Variants in SCAF11 observed in about 807,000 individuals in gnomAD.
The protein encoded by SCAF11 is SR-related CTD associated factor 11.
A neutral mutation model predicts 140.5 loss-of-function variants in SCAF11; 47 were observed. The ratio of observed to expected loss-of-function variants is 0.33; its 90% CI spans 0.26 to 0.43. The LOEUF (loss-of-function observed/expected upper bound fraction) is 0.43, where lower values mean the gene tolerates loss of function less well. Among genes scored for constraint, SCAF11 ranks in the 20% least tolerant of loss-of-function variants. The probability of loss-of-function intolerance (pLI) is 1.00; values close to 1 mark genes in which losing one functional copy is unlikely to be tolerated. For missense variants in SCAF11, 1,645 were observed against 1,705.1 expected (o/e 0.96, Z 0.62); for synonymous variants, 557 against 579.4 (o/e 0.96, Z 0.55).
chr12:45,967,060 C>T (rs1565685466), intron 1 of SCAF11, among the ~76,000 whole-genome samples: 1 of 152,044 alleles, frequency 6.6e-6, no homozygotes, highest in African/African-American at 2.4e-5. Flanking sequence ...ACATTTCCTC[C>T]TTTAAGCAAA....
chr12:45,960,985 G>A (rs1945813383), intron 3 of SCAF11: 1 of 216,546 alleles, frequency 4.6e-6, no homozygotes, highest in Admixed American at 5.7e-5. Context: ...ATAACAATAA[G>A]GCTTATATTA....
rs28888779 is a variant in SCAF11, at chr12:45,972,917, T to G, written c.-21-8729A>C. ...AGATATATATATATATAGATATATATATAGATATATAGATATATATAGATA... is the reference window on the plus strand; with the variant it reads ...AGATATATATATATATAGATATATAGATAGATATATAGATATATATAGATA... On this transcript the variant is annotated intron_variant, in intron 1 of 14. Transcript: ENST00000369367. Among the ~76,000 whole-genome samples, 122 of 80,306 alleles carry G rather than the reference T, an allele frequency of 1.5e-3. 4 individuals carry two copies. The highest frequency in any genetic ancestry group is 0.015 in the East Asian group (70 of 4,760). 52.7% of individuals were successfully genotyped at this position (80,306 alleles called of 152,430 possible). A position where few individuals can be genotyped will look rare whatever the true frequency, so the allele number is the denominator to read the frequency against.
chr12:45,924,504 T>C (rs1944798887), intron 12 of SCAF11, among the ~76,000 whole-genome samples: 1 of 152,192 alleles, frequency 6.6e-6, no homozygotes, highest in African/African-American at 2.4e-5. Flanking sequence ...TAACAGCATA[T>C]ATGTAGCTTG....
intron 6 of SCAF11, chr12:45,935,228 A>G (rs1945143177): frequency 6.6e-6 from 1 of 152,208 alleles, no homozygotes; most frequent in East Asian, 1.9e-4. Context: ...GCAAGATCAT[A>G]TGTATTTTGG....
intron 10 of SCAF11, 161 bp from the exon 11 acceptor site, chr12:45,929,020 A>C (rs1252881654): frequency 2.4e-6 from 1 of 409,664 alleles, no homozygotes; most frequent in Non-Finnish European, 4.2e-6. Flanking sequence ...TCTGAGTAAT[A>C]TGACTTATTC....
At position 45,926,737 on chromosome 12, in the gene SCAF11, G is replaced by C; in HGVS notation, c.2964C>G (p.Asp988Glu). Reference protein sequence around the residue: ...PRGNDRYRKNDPEKQNENTRK... With the variant: ...PRGNDRYRKNEPEKQNENTRK... ...TTGTATTTTCATTCTGTTTCTCTGG[G>C]TCATTCTTTCTGTACCGATCATTTC... The change falls in exon 11 of 15, where the codon GAC becomes GAG. Residue 988 changes from aspartate (D) to glutamate (E), a missense_variant. This residue lies in a region of SCAF11 where 1,582 missense variants were observed against 1,609.2 expected (regional missense o/e 0.98). Coordinates refer to ENST00000369367, the MANE Select transcript of SCAF11 (RefSeq NM_004719.3). 6.2e-7 allele frequency: 1 copy of C among 1,613,724 alleles called. No homozygotes were observed. Among genetic ancestry groups the C allele is most frequent in the Non-Finnish European group, 8.5e-7 (1 of 1,179,980 alleles).
Position 45,990,442 on chromosome 12 carries a change from G to A in SCAF11, c.-111C>T, listed in dbSNP as rs1946570167. The A allele has an allele frequency of 2.4e-6, 3 of 1,231,604 alleles. No homozygotes were observed. Among genetic ancestry groups the A allele is most frequent in the South Asian group, 8.2e-5 (2 of 24,320 alleles). 76.3% of individuals were successfully genotyped at this position (1,231,604 alleles called of 1,614,324 possible). ...ACTCCGCTGCCAAGTTCCCCAACATGGACTCCTTCGTCCGCTTTGTGGTGT... is the reference window on the plus strand; with the variant it reads ...ACTCCGCTGCCAAGTTCCCCAACATAGACTCCTTCGTCCGCTTTGTGGTGT... On this transcript the variant is annotated 5_prime_UTR_variant, in exon 1 of 15. Transcript: ENST00000369367.
intron 1 of SCAF11, among the ~76,000 whole-genome samples, chr12:45,972,583 C>CT (rs1946099085): frequency 9.8e-6 from 1 of 102,004 alleles, no homozygotes; most frequent in South Asian, 3.5e-4. Context: ...AACCCTGTCT[C>CT]TTAAAAAAAA....
intron 5 of SCAF11, among the ~76,000 whole-genome samples, chr12:45,947,295 T>A (rs1848457094): frequency 6.6e-6 from 1 of 152,160 alleles, no homozygotes. Context: ...ATATTCAATT[T>A]ACCTCAAAAA....
intron 6 of SCAF11, among the ~76,000 whole-genome samples, chr12:45,943,844 G>A (rs1945362261): frequency 6.6e-6 from 1 of 151,992 alleles, no homozygotes; most frequent in South Asian, 2.1e-4. Flanking sequence ...TAACCTTCTG[G>A]CAGAAATTGT....
At chr12:45,944,713 G>GA (rs1354464455) in intron 6 of SCAF11, among the ~76,000 whole-genome samples, 1 of 152,162 alleles carries the variant, frequency 6.6e-6, no homozygotes, top group Non-Finnish European at 1.5e-5. Context: ...CTGTGTATTA[G>GA]AAAATCATGT....
chr12:45,925,623 T>A (rs1455221315), intron 11 of SCAF11, among the ~76,000 whole-genome samples: 1 of 151,778 alleles, frequency 6.6e-6, no homozygotes, highest in Non-Finnish European at 1.5e-5. Context: ...CAACAATCAG[T>A]AGCTCAAGAA....
At chr12:45,923,761 C>T (rs563182876) in intron 12 of SCAF11, among the ~76,000 whole-genome samples, 49 of 152,260 alleles carry the variant, frequency 3.2e-4, no homozygotes, top group African/African-American at 1.1e-3. Flanking sequence ...TGGCTCACTG[C>T]AATCTCCGAC....
At chr12:45,986,738 C>T (rs1474238515) in intron 1 of SCAF11, among the ~76,000 whole-genome samples, 1 of 152,042 alleles carries the variant, frequency 6.6e-6, no homozygotes, top group Non-Finnish European at 1.5e-5. Context: ...GGGCAGTTTC[C>T]CCCATACTGT....
intron 3 of SCAF11, among the ~76,000 whole-genome samples, chr12:45,952,914 C>T (rs1945585515): frequency 6.6e-6 from 1 of 152,032 alleles, no homozygotes; most frequent in African/African-American, 2.4e-5. Flanking sequence ...TGGGTTTTAC[C>T]ACGTATCAAG....
At position 45,948,522 on chromosome 12, in the gene SCAF11, G is replaced by A. The variant is rs1945478461; in HGVS notation, c.313C>T (p.Gln105Ter). ...TTCTTGTCTTTTGTTTCTCTCAGCT[G>A]TTTTTTTACTTGAACCTATGAGAAA... ...EGYVKVQVKK[Q>*]LRETKDKKNE... Residue 105 changes from glutamine (Q) to a stop codon, truncating the protein, a stop_gained, in exon 5 of 15, where the codon CAG becomes TAG. Coordinates refer to ENST00000369367, the MANE Select transcript of SCAF11 (RefSeq NM_004719.3). LOFTEE classifies it high-confidence loss of function. 1.9e-6 allele frequency: 3 copies of A among 1,608,460 alleles called. No individual in the cohort carries two copies. Among genetic ancestry groups the A allele is most frequent in the Non-Finnish European group, 2.5e-6 (3 of 1,177,196 alleles).
intron 6 of SCAF11, among the ~76,000 whole-genome samples, chr12:45,938,544 T>G (rs748222666): frequency 6.6e-6 from 1 of 152,000 alleles, no homozygotes; most frequent in Non-Finnish European, 1.5e-5. Context: ...ATTCCTTTAT[T>G]GTCATTTTAG....
intron 1 of SCAF11, among the ~76,000 whole-genome samples, chr12:45,989,646 G>T (rs1946542360): frequency 6.6e-6 from 1 of 152,166 alleles, no homozygotes; most frequent in Admixed American, 6.5e-5. Flanking sequence ...GTCTCAGAAG[G>T]GGCGACTGAT....
At chr12:45,963,044 T>C (rs1463528075) in intron 2 of SCAF11, among the ~76,000 whole-genome samples, 1 of 152,146 alleles carries the variant, frequency 6.6e-6, no homozygotes, top group Admixed American at 6.5e-5. Context: ...AGAAAAATAC[T>C]TGTGAATTGG....
Sources: gnomAD v4.1 joint callset for allele counts (sites outside exome capture counted in the v4.1 genomes callset) on GRCh38, gnomAD v4.1.1 for gene constraint, gnomAD v4.1.1 regional missense constraint, MANE v1.5 for transcripts, NCBI Gene and HGNC (gene_info 2026-07-23, HGNC 2026-07-21) for gene names.